The following TRIM44 variants were observed in gnomAD, a reference collection of about 807,000 sequenced individuals.
TRIM44 encodes tripartite motif-containing protein 44.
TRIM44 carries 13 observed loss-of-function variants against 37.4 expected under a neutral mutation model. The observed-to-expected ratio is 0.35, with a 90% confidence interval of 0.23 to 0.55. TRIM44 has a LOEUF of 0.55. Ranked by LOEUF, TRIM44 falls within the 20% of genes least tolerant of loss-of-function variation. The pLI is 0.89. For synonymous variants in TRIM44, 175 were observed against 157.2 expected (o/e 1.11, Z -0.85); for missense variants, 426 against 437.2 (o/e 0.97, Z 0.23).
At chr11:35,706,675 C>G (rs1851888199) in intron 2 of TRIM44, among the ~76,000 whole-genome samples, 1 of 151,910 alleles carries the variant, frequency 6.6e-6, no homozygotes, top group Non-Finnish European at 1.5e-5. Context: ...ATGATTATCT[C>G]AATAGATGCA....
intron 1 of TRIM44, among the ~76,000 whole-genome samples, chr11:35,678,376 A>G (rs541080259): frequency 1.3e-5 from 2 of 152,246 alleles, no homozygotes; most frequent in East Asian, 1.9e-4. Flanking sequence ...AGACTTGCTG[A>G]TGGATTTTTT....
At chr11:35,789,608 C>T (rs78506924) in intron 4 of TRIM44, among the ~76,000 whole-genome samples, 3,301 of 152,318 alleles carry the variant, frequency 0.022, 53 homozygotes, top group Middle Eastern at 0.044. Flanking sequence ...TGCACTCCTG[C>T]TCCTCTTAGC....
At chr11:35,720,249 T>C (rs1021409892) in intron 2 of TRIM44, among the ~76,000 whole-genome samples, 1 of 152,198 alleles carries the variant, frequency 6.6e-6, no homozygotes, top group African/African-American at 2.4e-5. Context: ...ACGTATTTTG[T>C]TAGAATTATA....
intron 4 of TRIM44, among the ~76,000 whole-genome samples, chr11:35,768,082 C>A (rs530088478): frequency 2.6e-5 from 4 of 152,168 alleles, no homozygotes; most frequent in Non-Finnish European, 5.9e-5. Flanking sequence ...CAAGGCATAG[C>A]GGACTAAAGG....
chr11:35,697,186 G>T (rs1434360042), intron 2 of TRIM44, among the ~76,000 whole-genome samples: 5 of 149,064 alleles, frequency 3.4e-5, no homozygotes, highest in Middle Eastern at 3.5e-3. Context: ...TTAGCATTAG[G>T]TATATCTCCT....
chr11:35,704,325 G>A (rs542372821), intron 2 of TRIM44, among the ~76,000 whole-genome samples: 10 of 152,180 alleles, frequency 6.6e-5, no homozygotes, highest in Admixed American at 2.6e-4. Flanking sequence ...AACCAAGTTG[G>A]AAAACACTCT....
intron 4 of TRIM44, among the ~76,000 whole-genome samples, chr11:35,756,220 C>T: frequency 6.6e-6 from 1 of 151,050 alleles, no homozygotes; most frequent in Non-Finnish European, 1.5e-5. Flanking sequence ...AGGTCCTTCA[C>T]ATCCCTTGTA....
intron 4 of TRIM44, among the ~76,000 whole-genome samples, chr11:35,740,629 G>A (rs114805913): frequency 1.9e-4 from 29 of 152,292 alleles, no homozygotes; most frequent in African/African-American, 5.5e-4. Context: ...TGAAGGAGTA[G>A]GAGCTGAAGG....
At chr11:35,804,077 C>T (rs1305973575) in intron 4 of TRIM44, among the ~76,000 whole-genome samples, 1 of 151,978 alleles carries the variant, frequency 6.6e-6, no homozygotes, top group Non-Finnish European at 1.5e-5. Flanking sequence ...CTCCCGTGTT[C>T]ATCTTATTCA....
chr11:35,726,816 TA>T (rs1852181144), intron 3 of TRIM44, among the ~76,000 whole-genome samples: 1 of 151,918 alleles, frequency 6.6e-6, no homozygotes, highest in Non-Finnish European at 1.5e-5. Context: ...ACAACATATT[TA>T]GGCATTTTGA....
intron 2 of TRIM44, among the ~76,000 whole-genome samples, chr11:35,713,305 C>T (rs1366376365): frequency 6.6e-6 from 1 of 152,128 alleles, no homozygotes; most frequent in Non-Finnish European, 1.5e-5. Context: ...ATTATGATCC[C>T]CTTTTATAAA....
chr11:35,733,119 A>G (rs1451309123), intron 3 of TRIM44, among the ~76,000 whole-genome samples: 1 of 152,206 alleles, frequency 6.6e-6, no homozygotes, highest in African/African-American at 2.4e-5. Flanking sequence ...ATTTTAATCC[A>G]TATGGTGACC....
intron 3 of TRIM44, among the ~76,000 whole-genome samples, chr11:35,731,128 T>C (rs1318091888): frequency 6.6e-6 from 1 of 152,188 alleles, no homozygotes; most frequent in Non-Finnish European, 1.5e-5. Context: ...TCCAGTGCAA[T>C]GTCTAACATA....
At chr11:35,759,907 C>A (rs940282651) in intron 4 of TRIM44, among the ~76,000 whole-genome samples, 2 of 152,220 alleles carry the variant, frequency 1.3e-5, no homozygotes, top group Admixed American at 1.3e-4. Flanking sequence ...TCTGCCCTTA[C>A]TGGGGGCTGT....
At chr11:35,675,698 T>A (rs979090162) in intron 1 of TRIM44, among the ~76,000 whole-genome samples, 6 of 152,154 alleles carry the variant, frequency 3.9e-5, no homozygotes, top group African/African-American at 1.4e-4. Flanking sequence ...ATTTTTGTAT[T>A]TTTAGTAGAG....
intron 4 of TRIM44, among the ~76,000 whole-genome samples, chr11:35,799,400 G>T (rs1315099900): frequency 6.6e-6 from 1 of 152,200 alleles, no homozygotes; most frequent in African/African-American, 2.4e-5. Flanking sequence ...AGTCAGCTGT[G>T]AGGGCTGAGA....
In TRIM44 at chr11:35,806,446, T is replaced by G. The variant is rs1053930614; in HGVS notation, c.*61T>G. ...CCTTGTGTGTATGTGACAGCGTGTATGTAACGGCTTCTGATTTCTGTGAAA... is the reference window on the plus strand; with the variant it reads ...CCTTGTGTGTATGTGACAGCGTGTAGGTAACGGCTTCTGATTTCTGTGAAA... On this transcript the variant is annotated 3_prime_UTR_variant, in exon 5 of 5. Coordinates refer to ENST00000299413, the MANE Select transcript of TRIM44 (RefSeq NM_017583.6). The G allele has an allele frequency of 6.3e-7, 1 of 1,581,500 alleles. No homozygotes were observed. Among genetic ancestry groups the G allele is most frequent in the African/African-American group, 1.3e-5 (1 of 74,262 alleles).
intron 2 of TRIM44, among the ~76,000 whole-genome samples, chr11:35,717,921 G>A (rs1179775043): frequency 1.3e-5 from 2 of 152,024 alleles, no homozygotes; most frequent in African/African-American, 2.4e-5. Flanking sequence ...GACTCTTGAA[G>A]GAGTAATTCA....
In TRIM44 at chr11:35,808,142, A is replaced by T. The variant is rs1293414326; in HGVS notation, c.*1757A>T. ...GAAGCTCCCAGGCATATATGCTTCT[A>T]GGTTAGGATTGTCCTGACTCACTAA... On this transcript the variant is annotated 3_prime_UTR_variant, in exon 5 of 5. Coordinates refer to ENST00000299413, the MANE Select transcript of TRIM44 (RefSeq NM_017583.6). 7.0e-6 allele frequency: 1 copy of T among 142,380 alleles called. No individual in the cohort carries two copies. Among genetic ancestry groups the T allele is most frequent in the African/African-American group, 2.6e-5 (1 of 38,706 alleles). 8.8% of individuals were successfully genotyped at this position (142,380 alleles called of 1,614,324 possible).
Sources: gnomAD v4.1 joint callset for allele counts (sites outside exome capture counted in the v4.1 genomes callset) on GRCh38, gnomAD v4.1.1 for gene constraint, MANE v1.5 for transcripts, NCBI Gene and HGNC (gene_info 2026-07-23, HGNC 2026-07-21) for gene names.